Variants in SAMMSON observed in about 807,000 individuals in gnomAD.
The protein encoded by SAMMSON is survival associated mitochondrial melanoma specific oncogenic non-coding RNA.
intron 3 of SAMMSON, among the ~76,000 whole-genome samples, chr3:70,020,066 A>G (rs1459515741): frequency 6.6e-6 from 1 of 152,146 alleles, no homozygotes; most frequent in Admixed American, 6.6e-5. Context: ...GGTAGAGTTA[A>G]AAATGCTCTT....
intron 7 of SAMMSON, among the ~76,000 whole-genome samples, chr3:70,323,960 C>T (rs1411586570): frequency 6.6e-6 from 1 of 152,106 alleles, no homozygotes; most frequent in East Asian, 1.9e-4. Context: ...CTCATGGGTT[C>T]TACCTCAGGC....
chr3:70,194,000 T>A (rs1489169874), intron 4 of SAMMSON, among the ~76,000 whole-genome samples: 2 of 152,244 alleles, frequency 1.3e-5, no homozygotes, highest in African/African-American at 4.8e-5. Context: ...GCATTGATAA[T>A]TAATTTTGTA....
rs567397693 is a variant in SAMMSON at position 70,341,237 on chromosome 3, AG to A, written n.740-12937del. The stretch of plus-strand genomic sequence containing the variant: ...TTGGCCCTGCTATGATTCCATAATT[AG>A]CCCACAAGAGACCATGGAAGAGCCA... On this transcript the variant is annotated intron_variant and non_coding_transcript_variant, in intron 7 of 9. Transcript: ENST00000642114. Among the ~76,000 whole-genome samples, 30 of 152,200 alleles carry A rather than the reference AG, an allele frequency of 2.0e-4. 1 individual carries two copies. The South Asian group carries it at 6.2e-3, about 32-fold the overall frequency.
At chr3:70,404,870 T>G (rs1432002619) in intron 2 of SAMMSON, among the ~76,000 whole-genome samples, 3 of 152,084 alleles carry the variant, frequency 2.0e-5, no homozygotes, top group Non-Finnish European at 4.4e-5. Flanking sequence ...CACTAGAGTA[T>G]GATGGAATAA....
intron 7 of SAMMSON, among the ~76,000 whole-genome samples, chr3:70,332,419 G>C (rs571556517): frequency 3.9e-5 from 6 of 152,196 alleles, no homozygotes; most frequent in Middle Eastern, 3.4e-3. Flanking sequence ...CCTCATTCTG[G>C]TTGCAAGTTG....
chr3:70,125,840 G>T, intron 4 of SAMMSON: 1 of 670,006 alleles, frequency 1.5e-6, no homozygotes. Context: ...AGTTCCATTA[G>T]TTTGTTCATT....
intron 2 of SAMMSON, among the ~76,000 whole-genome samples, chr3:70,422,029 G>A (rs1290193137): frequency 6.6e-6 from 1 of 151,932 alleles, no homozygotes; most frequent in African/African-American, 2.4e-5. Flanking sequence ...AACTACTTAC[G>A]AGGAACCTTG....
At chr3:70,310,090 G>C (rs939858644) in intron 7 of SAMMSON, among the ~76,000 whole-genome samples, 3 of 151,820 alleles carry the variant, frequency 2.0e-5, no homozygotes, top group African/African-American at 7.3e-5. Context: ...AAAACACAGG[G>C]GCTCTTTGAT....
chr3:70,099,335 A>G (rs1559790785), intron 4 of SAMMSON, among the ~76,000 whole-genome samples: 1 of 152,154 alleles, frequency 6.6e-6, no homozygotes, highest in East Asian at 1.9e-4. Context: ...TCCCATTAAC[A>G]GTGTATAAAA....
At chr3:70,219,524 A>G (rs989333848) in intron 4 of SAMMSON, among the ~76,000 whole-genome samples, 1 of 152,202 alleles carries the variant, frequency 6.6e-6, no homozygotes, top group Non-Finnish European at 1.5e-5. Context: ...GGTTTTCATT[A>G]GATTGCAAGA....
intron 3 of SAMMSON, among the ~76,000 whole-genome samples, chr3:70,016,270 A>T (rs1576097046): frequency 6.6e-6 from 1 of 152,122 alleles, no homozygotes; most frequent in East Asian, 1.9e-4. Flanking sequence ...CTGGTGTGAG[A>T]TGGAATCTCA....
chr3:70,320,552 T>C (rs1702530362), intron 7 of SAMMSON, among the ~76,000 whole-genome samples: 1 of 152,072 alleles, frequency 6.6e-6, no homozygotes, highest in African/African-American at 2.4e-5. Context: ...AAGTCCCCTC[T>C]TTTCTCCAAA....
At chr3:70,230,344 C>A (rs916965040) in intron 4 of SAMMSON, among the ~76,000 whole-genome samples, 7 of 152,128 alleles carry the variant, frequency 4.6e-5, no homozygotes, top group African/African-American at 1.7e-4. Flanking sequence ...CACTGCATAG[C>A]AATAGAAATT....
At chr3:70,379,547 C>T (rs1703047234) in intron 9 of SAMMSON, among the ~76,000 whole-genome samples, 1 of 152,128 alleles carries the variant, frequency 6.6e-6, no homozygotes, top group Non-Finnish European at 1.5e-5. Flanking sequence ...GCTACATTTG[C>T]TTATCAGAGG....
At chr3:70,005,236 A>G (rs1228505900) in intron 1 of SAMMSON, among the ~76,000 whole-genome samples, 1 of 152,144 alleles carries the variant, frequency 6.6e-6, no homozygotes, top group African/African-American at 2.4e-5. Flanking sequence ...TTTAAGTTAT[A>G]TATTGATGAA....
intron 4 of SAMMSON, chr3:70,120,244 T>G (rs1294044438): frequency 2.0e-5 from 3 of 152,184 alleles, no homozygotes; most frequent in Non-Finnish European, 4.4e-5. Flanking sequence ...CGAGAGACAC[T>G]TCATATGGGG....
chr3:70,398,207 C>T (rs956640848), intron 2 of SAMMSON, among the ~76,000 whole-genome samples: 5 of 152,006 alleles, frequency 3.3e-5, no homozygotes, highest in Non-Finnish European at 7.4e-5. Context: ...AATATGTTTG[C>T]CACTTGAAAA....
intron 2 of SAMMSON, among the ~76,000 whole-genome samples, chr3:70,426,673 C>T (rs186688929): frequency 1.9e-3 from 296 of 152,262 alleles, no homozygotes; most frequent in Non-Finnish European, 3.4e-3. Flanking sequence ...GAGTCATTTC[C>T]ATGCCAGTAG....
intron 4 of SAMMSON, among the ~76,000 whole-genome samples, chr3:70,143,146 T>A (rs2067534614): frequency 1.3e-5 from 2 of 152,146 alleles, no homozygotes; most frequent in Non-Finnish European, 1.5e-5. Context: ...AGTCAGTTAA[T>A]ATAATGGTCA....
Sources: allele counts gnomAD v4.1 joint callset (sites outside exome capture counted in the v4.1 genomes callset), GRCh38; gene constraint gnomAD v4.1.1; transcripts MANE v1.5; gene names NCBI Gene and HGNC (gene_info 2026-07-23, HGNC 2026-07-21).